ATP10B: variants seen among roughly 807,000 people sequenced by gnomAD.
ATP10B encodes phospholipid-transporting ATPase VB.
In ATP10B, 122 loss-of-function variants were observed where a neutral mutation model predicts 141.2. That is an observed-to-expected ratio of 0.86 (90% confidence interval 0.75 to 1.00). The LOEUF is 1.00. Among genes scored for constraint, ATP10B ranks in the 50% least tolerant of loss-of-function variants. The pLI, the probability that ATP10B is intolerant of heterozygous loss-of-function variation, is 0.00. For missense variants in ATP10B, 1,876 were observed against 1,825.3 expected (o/e 1.03, Z -0.51); for synonymous variants, 685 against 692.0 (o/e 0.99, Z 0.16).
chr5:160,825,514 C>CATCAA (rs1310081589), intron 1 of ATP10B, among the ~76,000 whole-genome samples: 6 of 152,168 alleles, frequency 3.9e-5, no homozygotes, highest in Non-Finnish European at 7.4e-5. Flanking sequence ...ACTGTGAGTC[C>CATCAA]ATCAAAACTC....
At chr5:160,659,997 C>A (rs1761802907) in intron 7 of ATP10B, among the ~76,000 whole-genome samples, 1 of 152,052 alleles carries the variant, frequency 6.6e-6, no homozygotes, top group Non-Finnish European at 1.5e-5. Context: ...GTTGCTAGTT[C>A]CTAAAATTTC....
At chr5:160,786,916 A>C (rs1421824957) in intron 1 of ATP10B, among the ~76,000 whole-genome samples, 2 of 152,072 alleles carry the variant, frequency 1.3e-5, no homozygotes, top group African/African-American at 4.8e-5. Context: ...CGGCCTCCTC[A>C]GTCTTGTCCC....
the ATP10B span, among the ~76,000 whole-genome samples, chr5:160,876,997 T>A: frequency 6.7e-6 from 1 of 149,470 alleles, no homozygotes; most frequent in Non-Finnish European, 1.5e-5. Context: ...ACTATTCCAA[T>A]CAACAGAAAA....
intron 2 of ATP10B, among the ~76,000 whole-genome samples, chr5:160,743,727 G>A (rs1443139472): frequency 6.6e-6 from 1 of 152,122 alleles, no homozygotes; most frequent in Admixed American, 6.5e-5. Context: ...TTGACTATAA[G>A]GGATTATAAG....
chr5:160,804,063 T>C (rs1772596482), intron 1 of ATP10B, among the ~76,000 whole-genome samples: 1 of 152,014 alleles, frequency 6.6e-6, no homozygotes, highest in Non-Finnish European at 1.5e-5. Context: ...AGTGCAAAAA[T>C]ACAAAACAAA....
the ATP10B span, among the ~76,000 whole-genome samples, chr5:160,865,330 ACT>A: frequency 1.3e-5 from 2 of 152,024 alleles, no homozygotes; most frequent in African/African-American, 4.8e-5. Context: ...GGGAAAGGAC[ACT>A]CTATTCAATA....
chr5:160,715,918 C>T (rs1374512818), intron 3 of ATP10B, among the ~76,000 whole-genome samples: 2 of 151,948 alleles, frequency 1.3e-5, no homozygotes, highest in Admixed American at 1.3e-4. Flanking sequence ...ACCATCTTGG[C>T]CAGGCTGGTC....
At chr5:160,744,092 T>C (rs560461712) in intron 2 of ATP10B, among the ~76,000 whole-genome samples, 1 of 152,218 alleles carries the variant, frequency 6.6e-6, no homozygotes, top group East Asian at 1.9e-4. Flanking sequence ...AAAACAAAGC[T>C]CAAGAGAGGT....
chr5:160,760,089 G>A (rs1768921363), intron 2 of ATP10B, among the ~76,000 whole-genome samples: 1 of 152,134 alleles, frequency 6.6e-6, no homozygotes, highest in Non-Finnish European at 1.5e-5. Context: ...TTTGGAATAT[G>A]GCTCCCCAAA....
rs111207993 is a variant in ATP10B at position 160,653,348 on chromosome 5, G to C, written c.676-4092C>G. Among the ~76,000 whole-genome samples the C allele has an allele frequency of 3.3e-3, 297 of 91,264 alleles. 8 individuals carry two copies. The highest frequency in any genetic ancestry group is 0.014 in the African/African-American group (281 of 20,762). The allele number at this position is 91,264 out of a possible 152,430, so 59.9% of individuals were successfully genotyped here. ...ATATACATACGTACATACATACATA[G>C]GTAGTATATATACATACGTACATAC... On this transcript the variant is annotated intron_variant, in intron 7 of 25. Coordinates refer to ENST00000327245, the MANE Select transcript of ATP10B (RefSeq NM_025153.3).
At chr5:160,861,177 T>G in the ATP10B span, among the ~76,000 whole-genome samples, 1 of 152,054 alleles carries the variant, frequency 6.6e-6, no homozygotes, top group South Asian at 2.1e-4. Context: ...GATTTTGACT[T>G]TGCCATGACC....
chr5:160,732,812 TTTTC>T lies in ATP10B; in HGVS notation c.-330-15782_-330-15779del, dbSNP rs539938309. 1.8e-4 allele frequency among the ~76,000 whole-genome samples: 27 copies of T among 152,302 alleles called. No individual in the cohort carries two copies. In the South Asian group the frequency reaches 5.4e-3, roughly 30 times the overall value. ...TGTGGTTTCATAAGAATTTTTGGAT[TTTTC>T]TTTCTATTTCTATGAAGAATGTCAT... On this transcript the variant is annotated intron_variant, in intron 2 of 25. Coordinates refer to ENST00000327245, the MANE Select transcript of ATP10B (RefSeq NM_025153.3).
chr5:160,582,714 A>C (rs1345643511), intron 24 of ATP10B, among the ~76,000 whole-genome samples: 1 of 152,122 alleles, frequency 6.6e-6, no homozygotes, highest in Non-Finnish European at 1.5e-5. Context: ...TTTCAGGTAC[A>C]CCAATCAAAT....
At chr5:160,675,817 G>T (rs2127732342) in intron 6 of ATP10B, among the ~76,000 whole-genome samples, 2 of 148,928 alleles carry the variant, frequency 1.3e-5, no homozygotes, top group Admixed American at 1.3e-4. Flanking sequence ...GATTAGACTT[G>T]CAGGGCTCAG....
intron 24 of ATP10B, among the ~76,000 whole-genome samples, chr5:160,579,377 C>G (rs1755404171): frequency 6.6e-6 from 1 of 152,044 alleles, no homozygotes; most frequent in African/African-American, 2.4e-5. Flanking sequence ...AGTTTGTTTT[C>G]TGCATATGGC....
intron 2 of ATP10B, among the ~76,000 whole-genome samples, chr5:160,781,961 A>AC (rs1466133399): frequency 6.6e-6 from 1 of 152,120 alleles, no homozygotes; most frequent in African/African-American, 2.4e-5. Flanking sequence ...TTGCCTTAAA[A>AC]CAGTAGAGTA....
chr5:160,648,427 G>T (rs1467194281), intron 8 of ATP10B, among the ~76,000 whole-genome samples: 2 of 152,138 alleles, frequency 1.3e-5, no homozygotes, highest in Non-Finnish European at 2.9e-5. Flanking sequence ...CCAGAAGTTT[G>T]GACACCCCTG....
intron 2 of ATP10B, among the ~76,000 whole-genome samples, chr5:160,764,826 A>G (rs1207635919): frequency 6.6e-6 from 1 of 152,192 alleles, no homozygotes; most frequent in Non-Finnish European, 1.5e-5. Context: ...AGACTCATCC[A>G]AAAAGTTCCT....
At chr5:160,868,628 A>G in the ATP10B span, among the ~76,000 whole-genome samples, 1 of 151,994 alleles carries the variant, frequency 6.6e-6, no homozygotes, top group African/African-American at 2.4e-5. Flanking sequence ...AAGCTCATAG[A>G]GAAAAGTCTC....
Sources: gnomAD v4.1 joint callset for allele counts (sites outside exome capture counted in the v4.1 genomes callset) on GRCh38, gnomAD v4.1.1 for gene constraint, MANE v1.5 for transcripts, NCBI Gene and HGNC (gene_info 2026-07-23, HGNC 2026-07-21) for gene names.